Variants in SLC38A8 observed in about 807,000 individuals in gnomAD.
The protein encoded by SLC38A8 is solute carrier family 38 member 8, also known as amino acid transporter SLC38A8.
SLC38A8 carries 65 observed loss-of-function variants against 46.0 expected under a neutral mutation model. The observed-to-expected ratio is 1.41, with a 90% CI of 1.16 to 1.74. The LOEUF is 1.74. Ranked by LOEUF, SLC38A8 falls within the 40% of genes most tolerant of loss-of-function variation. The probability of loss-of-function intolerance (pLI) is 0.00; values close to 1 mark genes in which losing one functional copy is unlikely to be tolerated. For missense variants in SLC38A8, 998 were observed against 567.9 expected, an observed-to-expected ratio of 1.76 and a Z score of -7.70; for synonymous variants, 447 against 243.7, an observed-to-expected ratio of 1.83 and a Z score of -7.77.
chr16:84,033,542 C>G, intron 3 of SLC38A8, 73 bp from the exon 4 acceptor site: 1 of 1,490,540 alleles, frequency 6.7e-7, no homozygotes, highest in Non-Finnish European at 8.9e-7. Flanking sequence ...CCTGGCCCTT[C>G]AACCCTGGCT....
intron 9 of SLC38A8, among the ~76,000 whole-genome samples, chr16:84,013,573 G>T (rs2084984520): frequency 6.6e-6 from 1 of 151,654 alleles, no homozygotes; most frequent in African/African-American, 2.4e-5. Context: ...TGGGACTACA[G>T]GTGCGTGCCA....
intron 6 of SLC38A8, among the ~76,000 whole-genome samples, chr16:84,023,923 T>C (rs1597261079): frequency 6.6e-6 from 1 of 152,130 alleles, no homozygotes; most frequent in Non-Finnish European, 1.5e-5. Context: ...CAGCAGAGAA[T>C]GTTTCCGTTA....
chr16:84,014,070 G>T (rs550122622), intron 9 of SLC38A8, among the ~76,000 whole-genome samples: 12 of 151,086 alleles, frequency 7.9e-5, no homozygotes, highest in Non-Finnish European at 1.2e-4. Flanking sequence ...ATCTCTGAAA[G>T]GCCCGCCCAG....
At chr16:84,011,814 G>GT (rs2084957222) in intron 10 of SLC38A8, among the ~76,000 whole-genome samples, 1 of 152,204 alleles carries the variant, frequency 6.6e-6, no homozygotes, top group Non-Finnish European at 1.5e-5. Context: ...AGCCCAGGGG[G>GT]TTGAGGCTGT....
chr16:84,017,912 C>A (rs1160354633), intron 7 of SLC38A8, among the ~76,000 whole-genome samples: 1 of 152,166 alleles, frequency 6.6e-6, no homozygotes, highest in African/African-American at 2.4e-5. Flanking sequence ...GGAGGTGATA[C>A]TGAATCACTG....
intron 6 of SLC38A8, among the ~76,000 whole-genome samples, chr16:84,028,144 T>C (rs2085188563): frequency 6.6e-6 from 1 of 151,714 alleles, no homozygotes. Context: ...ACGAGCTCAA[T>C]GGCTACAAAG....
At position 84,036,837 on chromosome 16, in the gene SLC38A8, G is replaced by C. The variant is rs1269662688; in HGVS notation, c.253C>G (p.Gln85Glu). The C allele has an allele frequency of 6.2e-7, 1 of 1,613,900 alleles. No individual in the cohort carries two copies. The highest frequency in any genetic ancestry group is 8.5e-7 in the Non-Finnish European group (1 of 1,179,996). The change falls in exon 3 of 11, where the codon CAG (glutamine) becomes GAG (glutamate). Residue 85 changes from glutamine (Q) to glutamate (E), a missense_variant. Gln to Glu is a conservative substitution (Grantham distance 29). Coordinates refer to ENST00000299709, the MANE Select transcript of SLC38A8 (RefSeq NM_001080442.3). The stretch of plus-strand genomic sequence containing the variant: ...CTGACCACACCCTGGTAGGTGGCCT[G>C]GCCACTGACAGCAGCAGCATAGCCC... ...ILGYAAAVSG[Q>E]ATYQGVVRGL...
chr16:84,031,535 C>T (rs1258923010), intron 5 of SLC38A8, among the ~76,000 whole-genome samples: 1 of 151,722 alleles, frequency 6.6e-6, no homozygotes. Context: ...GTTCCCCTGC[C>T]CCGGTACATG....
Position 84,029,532 on chromosome 16 carries a change from C to T in SLC38A8, c.652G>A (p.Val218Met), listed in dbSNP as rs139231755. 2 of 1,614,090 alleles carry T rather than the reference C, an allele frequency of 1.2e-6. No individual in the cohort carries two copies. The highest frequency in any genetic ancestry group is 1.7e-6 in the Non-Finnish European group (2 of 1,179,998). ...PSLSPASWTS[V>M]FSVFPTICFG... The stretch of plus-strand genomic sequence containing the variant: ...CAGATGGTGGGGAAGACACTGAACA[C>T]AGAGGTCCAGGAGGCAGGGCTGTAA... The change falls in exon 6 of 11, where the codon GTG (valine) becomes ATG (methionine). Residue 218 changes from valine (V) to methionine (M), a missense_variant. By Grantham distance (21) the Val-to-Met change is conservative. Coordinates refer to ENST00000299709, the MANE Select transcript of SLC38A8 (RefSeq NM_001080442.3).
chr16:84,021,685 T>C (rs1324308870), intron 7 of SLC38A8, among the ~76,000 whole-genome samples: 1 of 152,234 alleles, frequency 6.6e-6, no homozygotes, highest in South Asian at 2.1e-4. Context: ...ACGTTCCAGG[T>C]AGTCAATCAT....
chr16:84,029,254 G>A (rs930150465), intron 6 of SLC38A8, among the ~76,000 whole-genome samples: 2 of 152,180 alleles, frequency 1.3e-5, no homozygotes, highest in Non-Finnish European at 2.9e-5. Context: ...TTGGCCATCA[G>A]TGGGGGCTGG....
intron 6 of SLC38A8, among the ~76,000 whole-genome samples, chr16:84,023,546 G>C (rs951604660): frequency 6.6e-6 from 1 of 151,970 alleles, no homozygotes; most frequent in African/African-American, 2.4e-5. Context: ...CTCTGACAAA[G>C]AACCATGCAC....
At chr16:84,013,152 G>A (rs74032385) in intron 9 of SLC38A8, 100 bp from the exon 10 acceptor site, 44 of 1,399,940 alleles carry the variant, frequency 3.1e-5, no homozygotes, top group Non-Finnish European at 4.4e-5. Context: ...GGCCAGCAAG[G>A]CCTCCGCCCA....
chr16:84,014,352 A>T (rs973514904), intron 9 of SLC38A8, among the ~76,000 whole-genome samples: 1 of 147,990 alleles, frequency 6.8e-6, no homozygotes, highest in Non-Finnish European at 1.5e-5. Flanking sequence ...CCCGGCCCAG[A>T]ACTGAGGGAG....
At chr16:84,032,044 TGAATCC>T in intron 4 of SLC38A8, 76 bp from the exon 5 acceptor site, 1 of 1,260,800 alleles carries the variant, frequency 7.9e-7, no homozygotes, top group Non-Finnish European at 1.2e-6. Context: ...TAGTGGGATC[TGAATCC>T]CAGCTCCGCC....
chr16:84,032,068 A>G (rs1045149894), intron 4 of SLC38A8, 100 bp from the exon 5 acceptor site: 2 of 1,031,884 alleles, frequency 1.9e-6, no homozygotes, highest in African/African-American at 1.6e-5. Context: ...GCCCTTGACA[A>G]TGAGGTGCTG....
intron 6 of SLC38A8, among the ~76,000 whole-genome samples, chr16:84,026,620 G>A (rs1400234683): frequency 6.6e-6 from 1 of 152,234 alleles, no homozygotes; most frequent in Non-Finnish European, 1.5e-5. Context: ...GGTGATGGAA[G>A]GAGACAGGAA....
At chr16:84,026,248 G>C (rs775022190) in intron 6 of SLC38A8, among the ~76,000 whole-genome samples, 1 of 142,728 alleles carries the variant, frequency 7.0e-6, no homozygotes, top group Admixed American at 7.0e-5. Context: ...TTGTTTTTTT[G>C]AGACAGAGTC....
At chr16:84,030,159 A>C (rs562593286) in intron 5 of SLC38A8, among the ~76,000 whole-genome samples, 1 of 152,156 alleles carries the variant, frequency 6.6e-6, no homozygotes, top group South Asian at 2.1e-4. Flanking sequence ...GTGAGGATGA[A>C]GGCCAAGACC....
Sources: gnomAD v4.1 joint callset for allele counts (sites outside exome capture counted in the v4.1 genomes callset) on GRCh38, gnomAD v4.1.1 for gene constraint, MANE v1.5 for transcripts, NCBI Gene and HGNC (gene_info 2026-07-23, HGNC 2026-07-21) for gene names.